SLC11A2: variants seen among roughly 807,000 people sequenced by gnomAD.
The protein encoded by SLC11A2 is natural resistance-associated macrophage protein 2.
Under a neutral mutation model 68.0 loss-of-function variants are expected in SLC11A2, and 38 were observed. The ratio of observed to expected loss-of-function variants is 0.56; its 90% CI spans 0.43 to 0.73. The LOEUF (loss-of-function observed/expected upper bound fraction) is 0.73, where lower values mean the gene tolerates loss of function less well. Ranked by LOEUF, SLC11A2 falls within the 30% of genes least tolerant of loss-of-function variation. SLC11A2 has a pLI of 0.00. For synonymous variants in SLC11A2, 242 were observed against 250.6 expected (o/e 0.97, Z 0.32); for missense variants, 517 against 690.5 (o/e 0.75, Z 2.82).
chr12:50,997,350 G>A (rs567563056), intron 8 of SLC11A2, among the ~76,000 whole-genome samples: 2 of 152,108 alleles, frequency 1.3e-5, no homozygotes, highest in Non-Finnish European at 2.9e-5. Context: ...CTGAGTATCC[G>A]GATAGTTTAC....
chr12:50,981,666 A>G (rs1565971265), downstream of SLC11A2: 1 of 1,103,380 alleles, frequency 9.1e-7, no homozygotes, highest in Non-Finnish European at 1.3e-6. Context: ...CGTTAACGGG[A>G]CACCTGGCAC....
At chr12:50,974,424 C>T (rs1288029156), downstream of SLC11A2, among the ~76,000 whole-genome samples, 1 of 152,184 alleles carries the variant, frequency 6.6e-6, no homozygotes, top group Non-Finnish European at 1.5e-5. Context: ...AAATACTTTA[C>T]AGACAAGCAA....
At chr12:50,965,257 G>A in the SLC11A2 span, among the ~76,000 whole-genome samples, 18 of 151,090 alleles carry the variant, frequency 1.2e-4, no homozygotes, top group Admixed American at 9.9e-4. Context: ...GGGACTACAC[G>A]TGTGCACCAC....
chr12:50,987,752 T>C lies in SLC11A2; in HGVS notation c.*573A>G. ...CTTAACTTCCACTGAGAAATTAAAGTGGAAATAAGTTCAAAGAATCCTAAG... is the reference window on the plus strand; with the variant it reads ...CTTAACTTCCACTGAGAAATTAAAGCGGAAATAAGTTCAAAGAATCCTAAG... On this transcript the variant is annotated 3_prime_UTR_variant, in exon 16 of 16. Transcript: ENST00000262052. The C allele has an allele frequency of 7.8e-7, 1 of 1,287,080 alleles. No individual in the cohort carries two copies. The highest frequency in any genetic ancestry group is 1.0e-6 in the Non-Finnish European group (1 of 988,652). The allele number at this position is 1,287,080 out of a possible 1,614,324, so 79.7% of individuals were successfully genotyped here.
chr12:51,000,673 T>C (rs1020932334), intron 5 of SLC11A2: 2 of 585,744 alleles, frequency 3.4e-6, no homozygotes, highest in Admixed American at 3.2e-5. Context: ...TCTTACTTTT[T>C]TCTTTTTCCT....
In SLC11A2 at chr12:50,991,778, A is replaced by T. The variant is rs1941177459; in HGVS notation, c.1348-106T>A. ...ACATAAATGCTGCCTCAACTACTCC[A>T]TGAGAAATAATTATTCCTATCATCC... is the stretch of plus-strand genomic sequence containing the variant. On this transcript the variant is annotated intron_variant, in intron 13 of 15. Coordinates refer to ENST00000262052, the MANE Select transcript of SLC11A2 (RefSeq NM_000617.3). 6.0e-6 allele frequency: 5 copies of T among 838,530 alleles called. No homozygotes were observed. In the South Asian group the frequency reaches 7.2e-5, roughly 12 times the overall value. 51.9% of individuals were successfully genotyped at this position (838,530 alleles called of 1,614,324 possible). A position where few individuals can be genotyped will look rare whatever the true frequency, so the allele number is the denominator to read the frequency against.
At chr12:50,970,647 T>C in the SLC11A2 span, 1 of 608,368 alleles carries the variant, frequency 1.6e-6, no homozygotes, top group Non-Finnish European at 2.9e-6. Flanking sequence ...TCTCAGTGTT[T>C]TAAGAAGTTG....
downstream of SLC11A2, among the ~76,000 whole-genome samples, chr12:50,982,583 C>T (rs962941880): frequency 6.0e-5 from 9 of 151,146 alleles, no homozygotes; most frequent in Admixed American, 2.0e-4. Flanking sequence ...GCCGAGATTG[C>T]ACCACTGCAC....
intron 5 of SLC11A2, 80 bp downstream of exon 5, chr12:51,004,708 G>GA: frequency 5.2e-6 from 8 of 1,532,602 alleles, no homozygotes; most frequent in Non-Finnish European, 7.2e-6. Context: ...TCTCACTATA[G>GA]AATGAGGCCA....
intron 1 of SLC11A2, chr12:51,025,612 G>A: frequency 3.1e-6 from 1 of 326,876 alleles, no homozygotes; most frequent in Non-Finnish European, 4.4e-6. Flanking sequence ...CATTTAAGCG[G>A]TAGCTTTAAA....
At position 50,986,909 on chromosome 12, in the gene SLC11A2, T is replaced by A. The variant is rs1940628378; in HGVS notation, c.*1416A>T. On this transcript the variant is annotated 3_prime_UTR_variant, in exon 16 of 16. Coordinates refer to ENST00000262052, the MANE Select transcript of SLC11A2 (RefSeq NM_000617.3). ...GGCTCAGATGAACAGCGAACACCAA[T>A]CAGCCAGGACTCTGGAAGGAAAGCT... The A allele has an allele frequency of 7.8e-7, 1 of 1,287,088 alleles. No homozygotes were observed. Among genetic ancestry groups the A allele is most frequent in the Admixed American group, 2.3e-5 (1 of 43,528 alleles). The allele number at this position is 1,287,088 out of a possible 1,614,324, so 79.7% of individuals were successfully genotyped here.
intron 11 of SLC11A2, chr12:50,993,191 TAAAAA>T (rs10529796): frequency 0.013 from 2,791 of 211,966 alleles, no homozygotes; most frequent in South Asian, 0.025. Context: ...TCTTAAATAT[TAAAAA>T]AAAAAAAAAA....
intron 1 of SLC11A2, among the ~76,000 whole-genome samples, chr12:51,011,671 C>G (rs1216263128): frequency 6.6e-6 from 1 of 150,990 alleles, no homozygotes; most frequent in Non-Finnish European, 1.5e-5. Flanking sequence ...CAAGCGATTC[C>G]CCTGCCTCAG....
chr12:50,999,967 C>T (rs1942057390), intron 6 of SLC11A2, among the ~76,000 whole-genome samples: 1 of 152,064 alleles, frequency 6.6e-6, no homozygotes, highest in Non-Finnish European at 1.5e-5. Context: ...AAGATCATAC[C>T]ACTGCACTCC....
the SLC11A2 span, among the ~76,000 whole-genome samples, chr12:50,965,770 T>C: frequency 3.9e-5 from 6 of 152,218 alleles, no homozygotes; most frequent in Admixed American, 3.9e-4. Flanking sequence ...ACAGGTACCC[T>C]GGTAAATGAG....
intron 8 of SLC11A2, 137 bp downstream of exon 8, chr12:50,999,037 A>G: frequency 2.8e-6 from 2 of 724,104 alleles, no homozygotes; most frequent in Non-Finnish European, 4.7e-6. Flanking sequence ...TGGCCCAGGG[A>G]AAAATTGGCT....
At chr12:51,008,388 G>T in intron 3 of SLC11A2, 88 bp downstream of exon 3, 1 of 1,053,612 alleles carries the variant, frequency 9.5e-7, no homozygotes. Context: ...TTAAACCTGA[G>T]GCTGCTGAAC....
chr12:50,952,921 A>G, the SLC11A2 span, among the ~76,000 whole-genome samples: 1 of 152,246 alleles, frequency 6.6e-6, no homozygotes, highest in East Asian at 1.9e-4. Context: ...CTAAGACTCA[A>G]CAGTCACAGA....
intron 5 of SLC11A2, 106 bp downstream of exon 5, chr12:51,004,682 C>A: frequency 7.7e-7 from 1 of 1,297,464 alleles, no homozygotes; most frequent in East Asian, 2.4e-5. Context: ...GCCACTGACC[C>A]CCAAGTCCTT....
Sources: allele counts gnomAD v4.1 joint callset (sites outside exome capture counted in the v4.1 genomes callset), GRCh38; gene constraint gnomAD v4.1.1; transcripts MANE v1.5; gene names NCBI Gene and HGNC (gene_info 2026-07-23, HGNC 2026-07-21).